The following HS6ST3 variants were observed in gnomAD, a reference collection of about 807,000 sequenced individuals.
HS6ST3 encodes heparan-sulfate 6-O-sulfotransferase 3.
A neutral mutation model predicts 36.7 loss-of-function variants in HS6ST3; 12 were observed. The observed-to-expected ratio is 0.33, with a 90% CI of 0.21 to 0.53. The LOEUF (loss-of-function observed/expected upper bound fraction) is 0.53. Among genes scored for constraint, HS6ST3 ranks in the 20% least tolerant of loss-of-function variants. The pLI is 0.95. For missense variants in HS6ST3, 584 were observed against 640.9 expected (o/e 0.91, Z 0.96); for synonymous variants, 240 against 257.5 (o/e 0.93, Z 0.65).
intron 1 of HS6ST3, among the ~76,000 whole-genome samples, chr13:96,337,278 T>C (rs1305025227): frequency 6.6e-6 from 1 of 152,170 alleles, no homozygotes; most frequent in Non-Finnish European, 1.5e-5. Flanking sequence ...GGTTTCACCA[T>C]GTTAGCCAGG....
chr13:96,792,432 A>G (rs1877812754), intron 1 of HS6ST3, among the ~76,000 whole-genome samples: 2 of 151,778 alleles, frequency 1.3e-5, no homozygotes, highest in African/African-American at 4.8e-5. Context: ...TTTTCTCACC[A>G]TAGTCTTCAA....
intron 1 of HS6ST3, among the ~76,000 whole-genome samples, chr13:96,191,181 T>C (rs2054286781): frequency 6.6e-6 from 1 of 152,204 alleles, no homozygotes; most frequent in African/African-American, 2.4e-5. Flanking sequence ...GCCATCACCA[T>C]TCATGGCAGC....
intron 1 of HS6ST3, among the ~76,000 whole-genome samples, chr13:96,251,008 A>T (rs930839057): frequency 6.6e-6 from 1 of 151,992 alleles, no homozygotes; most frequent in African/African-American, 2.4e-5. Flanking sequence ...TTTGTTCTCG[A>T]TTTCTGCTTC....
intron 1 of HS6ST3, among the ~76,000 whole-genome samples, chr13:96,154,485 G>T (rs781068748): frequency 6.6e-6 from 1 of 152,024 alleles, no homozygotes; most frequent in African/African-American, 2.4e-5. Flanking sequence ...ATTAATGATG[G>T]TGATTTCACT....
chr13:96,184,287 TA>T (rs1189752564), intron 1 of HS6ST3, among the ~76,000 whole-genome samples: 5 of 151,306 alleles, frequency 3.3e-5, no homozygotes, highest in African/African-American at 7.3e-5. Context: ...TTACCACAAT[TA>T]AAAAAAATTT....
At chr13:96,822,671 C>T (rs745563216) in intron 1 of HS6ST3, among the ~76,000 whole-genome samples, 1 of 152,168 alleles carries the variant, frequency 6.6e-6, no homozygotes, top group Non-Finnish European at 1.5e-5. Flanking sequence ...CCTGTATGAT[C>T]GAGAAGCCTC....
At chr13:96,264,639 C>T (rs949313589) in intron 1 of HS6ST3, among the ~76,000 whole-genome samples, 3 of 152,178 alleles carry the variant, frequency 2.0e-5, no homozygotes, top group African/African-American at 4.8e-5. Flanking sequence ...TGAGCATAAA[C>T]GTATGTAACT....
chr13:96,547,138 G>T (rs913426429), intron 1 of HS6ST3, among the ~76,000 whole-genome samples: 1 of 152,164 alleles, frequency 6.6e-6, no homozygotes, highest in African/African-American at 2.4e-5. Flanking sequence ...CGTGCTATTG[G>T]AAGTGAGAAG....
At chr13:96,660,522 C>A (rs1276295497) in intron 1 of HS6ST3, among the ~76,000 whole-genome samples, 1 of 152,038 alleles carries the variant, frequency 6.6e-6, no homozygotes, top group Non-Finnish European at 1.5e-5. Context: ...ACATAAAAAT[C>A]AACTCAAAAT....
At position 96,668,686 on chromosome 13, in the gene HS6ST3, C is replaced by CT. The variant is rs146033180; in HGVS notation, c.708-163764dup. Reference sequence around the variant, plus strand: ...GGGAGCTGAGCACAGTAGTGCCAACCTTTTTTTTTTTTTTTTTTTTTTTTT... The same window carrying CT: ...GGGAGCTGAGCACAGTAGTGCCAACCTTTTTTTTTTTTTTTTTTTTTTTTTT... On this transcript the variant is annotated intron_variant, in intron 1 of 1. Coordinates refer to ENST00000376705, the MANE Select transcript of HS6ST3 (RefSeq NM_153456.4). 8.1e-4 allele frequency among the ~76,000 whole-genome samples: 48 copies of CT among 58,934 alleles called. 3 individuals carry two copies. Among genetic ancestry groups the CT allele is most frequent in the African/African-American group, 1.1e-3 (16 of 14,810 alleles). 38.7% of individuals were successfully genotyped at this position (58,934 alleles called of 152,430 possible).
intron 1 of HS6ST3, among the ~76,000 whole-genome samples, chr13:96,573,162 A>T (rs1418439461): frequency 6.6e-6 from 1 of 152,220 alleles, no homozygotes; most frequent in Non-Finnish European, 1.5e-5. Context: ...TGGCTGGTAG[A>T]CATTAAGTTC....
chr13:96,818,408 C>T (rs9584413), intron 1 of HS6ST3, among the ~76,000 whole-genome samples: 39,709 of 152,034 alleles, frequency 0.26, 5,454 homozygotes, highest in East Asian at 0.43. Flanking sequence ...TGCATTATTT[C>T]CAGCATAATT....
intron 1 of HS6ST3, among the ~76,000 whole-genome samples, chr13:96,519,713 G>C (rs1594798721): frequency 6.6e-6 from 1 of 152,192 alleles, no homozygotes; most frequent in South Asian, 2.1e-4. Flanking sequence ...TGATTTATTA[G>C]TTGTGAAACT....
intron 1 of HS6ST3, among the ~76,000 whole-genome samples, chr13:96,776,869 C>G (rs936405399): frequency 6.6e-6 from 1 of 152,110 alleles, no homozygotes; most frequent in South Asian, 2.1e-4. Context: ...GATAGAAAAA[C>G]CTGGCAGAGT....
intron 1 of HS6ST3, among the ~76,000 whole-genome samples, chr13:96,198,947 A>T (rs972367927): frequency 1.3e-5 from 2 of 152,220 alleles, no homozygotes; most frequent in African/African-American, 4.8e-5. Flanking sequence ...ATAAAGACAT[A>T]CCCAAGACTT....
Position 96,821,853 on chromosome 13 carries a change from G to A in HS6ST3, c.708-10637G>A, listed in dbSNP as rs145316654. Among the ~76,000 whole-genome samples the A allele has an allele frequency of 1.2e-4, 18 of 152,164 alleles. No homozygotes were observed. In the East Asian group the frequency reaches 3.3e-3, roughly 28 times the overall value. ...ACAGAATGGCAAAACCTAGACAGAG[G>A]GGATTAAAAAAATATATATTCTTGT... On this transcript the variant is annotated intron_variant, in intron 1 of 1. Coordinates refer to ENST00000376705, the MANE Select transcript of HS6ST3 (RefSeq NM_153456.4).
intron 1 of HS6ST3, among the ~76,000 whole-genome samples, chr13:96,629,513 T>G (rs1343451608): frequency 6.6e-6 from 1 of 152,218 alleles, no homozygotes; most frequent in Non-Finnish European, 1.5e-5. Context: ...ATTGTGGGTG[T>G]GGGATCCTAG....
At chr13:96,492,526 C>G (rs553633597) in intron 1 of HS6ST3, among the ~76,000 whole-genome samples, 13 of 152,346 alleles carry the variant, frequency 8.5e-5, no homozygotes, top group African/African-American at 3.1e-4. Flanking sequence ...TCCTATCTCT[C>G]TCTCCTTCCT....
intron 1 of HS6ST3, among the ~76,000 whole-genome samples, chr13:96,256,499 G>A (rs2054638261): frequency 6.6e-6 from 1 of 152,208 alleles, no homozygotes; most frequent in African/African-American, 2.4e-5. Flanking sequence ...GTATAGTTCT[G>A]GCTGTGTGGT....
Sources: gnomAD v4.1 joint callset for allele counts (sites outside exome capture counted in the v4.1 genomes callset) on GRCh38, gnomAD v4.1.1 for gene constraint, MANE v1.5 for transcripts, NCBI Gene and HGNC (gene_info 2026-07-23, HGNC 2026-07-21) for gene names.